The following JPT2 variants were observed in gnomAD, a reference collection of about 807,000 sequenced individuals.
JPT2 encodes the protein CRAMP_1 like.
In JPT2, 9 loss-of-function variants were observed where a neutral mutation model predicts 15.9. The ratio of observed to expected loss-of-function variants is 0.57; its 90% confidence interval spans 0.34 to 0.99. The LOEUF (loss-of-function observed/expected upper bound fraction) is 0.99, where lower values mean the gene tolerates loss of function less well. Among genes scored for constraint, JPT2 ranks in the 50% least tolerant of loss-of-function variants. JPT2 has a pLI of 0.02. For synonymous variants in JPT2, 95 were observed against 91.7 expected, an observed-to-expected ratio of 1.04 and a Z score of -0.21; for missense variants, 267 against 252.1, an observed-to-expected ratio of 1.06 and a Z score of -0.40.
chr16:1,682,979 T>G (rs1229823395), intron 1 of JPT2, among the ~76,000 whole-genome samples: 1 of 151,886 alleles, frequency 6.6e-6, no homozygotes, highest in Non-Finnish European at 1.5e-5. Context: ...ATTTTTTGTT[T>G]GTTTGTTTGT....
intron 1 of JPT2, chr16:1,680,347 T>A: frequency 2.0e-6 from 2 of 1,002,494 alleles, no homozygotes; most frequent in Non-Finnish European, 2.4e-6. Context: ...ATATTGACTT[T>A]CACGCTCCAG....
chr16:1,697,931 C>T, intron 4 of JPT2, 71 bp downstream of exon 4: 1 of 1,402,470 alleles, frequency 7.1e-7, no homozygotes. Flanking sequence ...AGTCTCTCCT[C>T]TGGGAATGAA....
intron 1 of JPT2, among the ~76,000 whole-genome samples, chr16:1,678,561 C>G (rs868585710): frequency 4.0e-4 from 61 of 152,136 alleles, no homozygotes; most frequent in Middle Eastern, 3.2e-3. Flanking sequence ...CGCTGAGGCC[C>G]GGGCTGTGGA....
chr16:1,679,417 C>T lies in JPT2; in HGVS notation c.44+1061C>T, dbSNP rs368642259. Among the ~76,000 whole-genome samples the T allele has an allele frequency of 2.7e-4, 41 of 152,218 alleles. 1 individual carries two copies. Among genetic ancestry groups the T allele is most frequent in the East Asian group, 2.5e-3 (13 of 5,178 alleles). On this transcript the variant is annotated intron_variant, in intron 1 of 4. Coordinates refer to ENST00000248098, the MANE Select transcript of JPT2 (RefSeq NM_144570.3). ...AAAAATAAAAACCCTTTAGATTGGCCGGGCGTGGTGGCTCACACCTGTAAT... is the reference window on the plus strand; with the variant it reads ...AAAAATAAAAACCCTTTAGATTGGCTGGGCGTGGTGGCTCACACCTGTAAT...
Position 1,698,889 on chromosome 16 carries a change from A to T in JPT2, c.464A>T (p.Glu155Val), listed in dbSNP as rs1239902668. The change falls in exon 5 of 5, where the codon GAG becomes GTG. Residue 155 changes from glutamate (E) to valine (V), a missense_variant. Glu to Val is a moderately radical substitution (Grantham distance 121). Transcript: ENST00000248098. The surrounding 1 kb of genome is among the most constrained non-coding windows in gnomAD (Gnocchi z 4.9). ...AAAGCAGGCCCCGCCAAGGAGCAGG[A>T]GCCCATGCCCACAGTCGACAGCCAT... ...ARKAGPAKEQ[E>V]PMPTVDSHEP... 6 of 1,614,250 alleles carry T rather than the reference A, an allele frequency of 3.7e-6. No individual in the cohort carries two copies. Among genetic ancestry groups the T allele is most frequent in the Non-Finnish European group, 5.1e-6 (6 of 1,180,046 alleles).
chr16:1,686,111 G>A, intron 2 of JPT2: 1 of 153,662 alleles, frequency 6.5e-6, no homozygotes, highest in Non-Finnish European at 1.4e-5. Context: ...GGTGGCTCAT[G>A]CCTGTAATCC....
chr16:1,702,395 A>G (rs2037185590), downstream of JPT2: 1 of 315,638 alleles, frequency 3.2e-6, no homozygotes, highest in Admixed American at 3.9e-5. Flanking sequence ...ACCAGCAAGC[A>G]TGGGAACCTC....
At chr16:1,693,985 G>C (rs2037123120) in intron 3 of JPT2, among the ~76,000 whole-genome samples, 2 of 152,072 alleles carry the variant, frequency 1.3e-5, no homozygotes, top group Admixed American at 6.5e-5. Flanking sequence ...ACGACCTTGG[G>C]AGAATGCTGG....
chr16:1,696,036 C>G (rs1370171591), intron 3 of JPT2, among the ~76,000 whole-genome samples: 2 of 151,874 alleles, frequency 1.3e-5, no homozygotes, highest in African/African-American at 4.8e-5. Flanking sequence ...CGAGACCAGC[C>G]TAGCCAACAT....
chr16:1,680,371 A>G (rs2037012822), intron 1 of JPT2: 6 of 1,025,808 alleles, frequency 5.8e-6, no homozygotes, highest in Middle Eastern at 2.7e-4. Context: ...TTAGCTGCAC[A>G]GGGCCGCACT....
downstream of JPT2, chr16:1,702,134 A>G (rs1222423218): frequency 8.8e-6 from 4 of 455,928 alleles, no homozygotes; most frequent in Non-Finnish European, 1.8e-5. Context: ...ATATCCTTAC[A>G]GGCATTATGT....
chr16:1,687,428 C>T (rs1248035503), intron 2 of JPT2, among the ~76,000 whole-genome samples: 1 of 152,138 alleles, frequency 6.6e-6, no homozygotes, highest in Non-Finnish European at 1.5e-5. Context: ...CCTGCATGTC[C>T]TTTTTAGCAA....
At chr16:1,689,022 A>C (rs987477821) in intron 2 of JPT2, 1 of 152,228 alleles carries the variant, frequency 6.6e-6, no homozygotes, top group Admixed American at 6.5e-5. Context: ...GAAGGAACAC[A>C]GGAGTTTCTG....
chr16:1,697,751 C>T (rs563237230), intron 3 of JPT2, 61 bp from the exon 4 acceptor site: 4 of 1,489,624 alleles, frequency 2.7e-6, no homozygotes, highest in African/African-American at 1.4e-5. Context: ...TTTCATTGTC[C>T]ATTTGAATGA....
At chr16:1,689,023 G>A (rs911914467) in intron 2 of JPT2, 2 of 152,210 alleles carry the variant, frequency 1.3e-5, no homozygotes, top group Admixed American at 1.3e-4. Flanking sequence ...AAGGAACACA[G>A]GAGTTTCTGG....
chr16:1,688,145 T>G (rs535208127), intron 2 of JPT2, among the ~76,000 whole-genome samples: 84 of 152,386 alleles, frequency 5.5e-4, no homozygotes, highest in African/African-American at 2.0e-3. Context: ...TGCATGTGTA[T>G]TTTTCATTTG....
chr16:1,697,406 G>T (rs953398457), intron 3 of JPT2, among the ~76,000 whole-genome samples: 1 of 151,982 alleles, frequency 6.6e-6, no homozygotes, highest in Non-Finnish European at 1.5e-5. Context: ...CCCACTACTC[G>T]GGAGGCTGAG....
At chr16:1,697,998 C>T in intron 4 of JPT2, 138 bp downstream of exon 4, 1 of 732,094 alleles carries the variant, frequency 1.4e-6, no homozygotes, top group Non-Finnish European at 2.4e-6. Flanking sequence ...TCAGGTGTAT[C>T]CACTGCAAGA....
At chr16:1,694,776 G>A (rs1229529197) in intron 3 of JPT2, among the ~76,000 whole-genome samples, 1 of 152,044 alleles carries the variant, frequency 6.6e-6, no homozygotes, top group East Asian at 1.9e-4. Context: ...AATTGCATAT[G>A]CACATGCAGA....
Sources: gnomAD v4.1 joint callset for allele counts (sites outside exome capture counted in the v4.1 genomes callset) on GRCh38, gnomAD v4.1.1 for gene constraint, Gnocchi (gnomAD v3.1) non-coding constraint, MANE v1.5 for transcripts, NCBI Gene and HGNC (gene_info 2026-07-23, HGNC 2026-07-21) for gene names.